Variants in CCSER1 observed in about 807,000 individuals in gnomAD.
CCSER1 encodes the protein serine-rich coiled-coil domain-containing protein 1.
A neutral mutation model predicts 82.0 loss-of-function variants in CCSER1; 41 were observed. The observed-to-expected ratio is 0.50, with a 90% CI of 0.39 to 0.65. The LOEUF is 0.65. CCSER1 is among the 30% of genes least tolerant of loss of function. The pLI is 0.00. For missense variants in CCSER1, 1,119 were observed against 1,064.2 expected (o/e 1.05, Z -0.72); for synonymous variants, 414 against 383.9 (o/e 1.08, Z -0.92).
chr4:90,388,771 G>C (rs553731687), intron 3 of CCSER1, among the ~76,000 whole-genome samples: 2 of 151,062 alleles, frequency 1.3e-5, no homozygotes, highest in East Asian at 3.9e-4. Flanking sequence ...AAGTAGCTGG[G>C]ATTACAGGTG....
intron 10 of CCSER1, among the ~76,000 whole-genome samples, chr4:91,555,133 T>C (rs1035865950): frequency 1.3e-5 from 2 of 150,954 alleles, no homozygotes; most frequent in African/African-American, 4.9e-5. Context: ...TGCAAAATGA[T>C]TTTTTTTCAA....
In CCSER1 at chr4:90,635,255, A is replaced by T. The variant is rs578124907; in HGVS notation, c.1932+7023A>T. On this transcript the variant is annotated intron_variant, in intron 6 of 10. Coordinates refer to ENST00000509176, the MANE Select transcript of CCSER1 (RefSeq NM_001145065.2). ...TATAGAATACTACAATTAATAAAAT[A>T]ATTATATATTATTTTCAAATGCGAG... Among the ~76,000 whole-genome samples the T allele has an allele frequency of 3.6e-4, 54 of 151,830 alleles. 1 individual carries two copies. In the South Asian group the frequency reaches 9.9e-3, roughly 28 times the overall value.
rs1186308750 is a variant in CCSER1 at position 91,438,264 on chromosome 4, G to T, written c.2218-160308G>T. 2.0e-5 allele frequency among the ~76,000 whole-genome samples: 3 copies of T among 152,254 alleles called. No homozygotes were observed. In the East Asian group the frequency reaches 5.8e-4, roughly 30 times the overall value. On this transcript the variant is annotated intron_variant, in intron 10 of 10. Transcript: ENST00000509176. Reference sequence around the variant, plus strand: ...GGGCAGACTGACACCTCACACGGCCGGGTACTCTTCTGAGACAAAACTTCT... The same window carrying T: ...GGGCAGACTGACACCTCACACGGCCTGGTACTCTTCTGAGACAAAACTTCT...
At chr4:91,479,718 TTTTA>T (rs1013182085) in intron 10 of CCSER1, among the ~76,000 whole-genome samples, 43 of 142,658 alleles carry the variant, frequency 3.0e-4, no homozygotes, top group Non-Finnish European at 3.9e-4. Flanking sequence ...TTTCTTTCTT[TTTTA>T]TTTATTTATT....
chr4:90,909,616 T>C (rs946224303), intron 8 of CCSER1, among the ~76,000 whole-genome samples: 1 of 152,220 alleles, frequency 6.6e-6, no homozygotes, highest in Non-Finnish European at 1.5e-5. Context: ...AAATGCCCAC[T>C]GTTTTTATCC....
At chr4:91,257,511 G>A (rs946899130) in intron 10 of CCSER1, among the ~76,000 whole-genome samples, 1 of 146,648 alleles carries the variant, frequency 6.8e-6, no homozygotes, top group Non-Finnish European at 1.5e-5. Context: ...ACCCATTTCT[G>A]TATATCTAGA....
chr4:91,429,913 T>G (rs1754196238), intron 10 of CCSER1, among the ~76,000 whole-genome samples: 2 of 151,948 alleles, frequency 1.3e-5, no homozygotes, highest in Admixed American at 1.3e-4. Context: ...ACTATCTATA[T>G]TAAACAGACT....
intron 10 of CCSER1, among the ~76,000 whole-genome samples, chr4:91,088,688 A>G (rs1723631152): frequency 1.3e-5 from 2 of 152,162 alleles, no homozygotes; most frequent in African/African-American, 2.4e-5. Context: ...TATAATAGAT[A>G]ATAAAAAGCT....
intron 10 of CCSER1, among the ~76,000 whole-genome samples, chr4:91,226,809 G>A (rs1738238052): frequency 6.6e-6 from 1 of 151,798 alleles, no homozygotes; most frequent in African/African-American, 2.4e-5. Flanking sequence ...TCATTGTGTG[G>A]TCCAATGGTT....
chr4:91,592,981 AAGGAAAAGAACTTCAG>A (rs1358148748), intron 10 of CCSER1, among the ~76,000 whole-genome samples: 3 of 152,320 alleles, frequency 2.0e-5, no homozygotes, highest in African/African-American at 7.2e-5. Flanking sequence ...TTTACAAAAC[AAGGAAAAGAACTTCAG>A]AAAAAATAAA....
chr4:91,156,545 T>A (rs1334640191), intron 10 of CCSER1, among the ~76,000 whole-genome samples: 1 of 151,400 alleles, frequency 6.6e-6, no homozygotes, highest in African/African-American at 2.4e-5. Flanking sequence ...AATTATTAAA[T>A]TAAAAATTAA....
chr4:90,514,246 A>G (rs1286674523), intron 5 of CCSER1, among the ~76,000 whole-genome samples: 2 of 152,214 alleles, frequency 1.3e-5, no homozygotes, highest in Admixed American at 6.5e-5. Context: ...AATGACCTAT[A>G]TATTTTCTAA....
chr4:90,390,928 G>A (rs1194299251), intron 3 of CCSER1, among the ~76,000 whole-genome samples: 1 of 151,786 alleles, frequency 6.6e-6, no homozygotes, highest in Non-Finnish European at 1.5e-5. Flanking sequence ...TCCTTTTTCT[G>A]TGCAGCCTTG....
chr4:90,322,337 C>T (rs1019234744), intron 3 of CCSER1, among the ~76,000 whole-genome samples: 11 of 152,050 alleles, frequency 7.2e-5, no homozygotes, highest in South Asian at 6.2e-4. Flanking sequence ...CATTGGTCTG[C>T]GTGTCTGTTT....
At chr4:90,159,238 C>T (rs1414713873) in intron 1 of CCSER1, among the ~76,000 whole-genome samples, 1 of 151,934 alleles carries the variant, frequency 6.6e-6, no homozygotes, top group Non-Finnish European at 1.5e-5. Flanking sequence ...AGAAATGGAG[C>T]CTCACTGTGT....
At chr4:91,532,871 TAA>T (rs200914112) in intron 10 of CCSER1, among the ~76,000 whole-genome samples, 5 of 138,104 alleles carry the variant, frequency 3.6e-5, no homozygotes, top group African/African-American at 2.6e-5. Flanking sequence ...CCCTGTCTCA[TAA>T]AAAAAAAAAA....
chr4:91,237,195 T>TA (rs1440943593), intron 10 of CCSER1, among the ~76,000 whole-genome samples: 1 of 152,050 alleles, frequency 6.6e-6, no homozygotes, highest in Non-Finnish European at 1.5e-5. Context: ...TGACTATTTT[T>TA]ATACCTGTCA....
Position 91,379,771 on chromosome 4 carries a change from A to T in CCSER1, c.2218-218801A>T, listed in dbSNP as rs1366210195. Among the ~76,000 whole-genome samples the T allele has an allele frequency of 3.3e-5, 5 of 152,052 alleles. 1 individual carries two copies. Among genetic ancestry groups the T allele is most frequent in the African/African-American group, 1.2e-4 (5 of 41,468 alleles). On this transcript the variant is annotated intron_variant, in intron 10 of 10. Coordinates refer to ENST00000509176, the MANE Select transcript of CCSER1 (RefSeq NM_001145065.2). The stretch of plus-strand genomic sequence containing the variant: ...CTTCAGTTCTGCTCTGATCTTAGTT[A>T]TTTCTTGCCTTCTGCTAGATTTTGA...
intron 3 of CCSER1, among the ~76,000 whole-genome samples, chr4:90,338,156 A>G (rs532841214): frequency 9.3e-4 from 142 of 152,284 alleles, no homozygotes; most frequent in Non-Finnish European, 1.7e-3. Context: ...TGCCCCATCT[A>G]AGATAGTGGT....
Sources: gnomAD v4.1 joint callset for allele counts (sites outside exome capture counted in the v4.1 genomes callset) on GRCh38, gnomAD v4.1.1 for gene constraint, MANE v1.5 for transcripts, NCBI Gene and HGNC (gene_info 2026-07-23, HGNC 2026-07-21) for gene names.